The following FMN1 variants were observed in gnomAD, a reference collection of about 807,000 sequenced individuals.
FMN1 encodes formin 1, also known as formin-1.
FMN1 carries 110 observed loss-of-function variants against 132.4 expected under a neutral mutation model. The observed-to-expected ratio is 0.83, with a 90% CI of 0.71 to 0.97. The LOEUF (loss-of-function observed/expected upper bound fraction) is 0.97, where lower values mean the gene tolerates loss of function less well. Ranked by LOEUF, FMN1 falls within the 50% of genes least tolerant of loss-of-function variation. The probability of loss-of-function intolerance (pLI) is 0.00; values close to 1 mark genes in which losing one functional copy is unlikely to be tolerated. For synonymous variants in FMN1, 722 were observed against 651.7 expected, an observed-to-expected ratio of 1.11 and a Z score of -1.64; for missense variants, 1,792 against 1,705.3, an observed-to-expected ratio of 1.05 and a Z score of -0.90.
intron 4 of FMN1, among the ~76,000 whole-genome samples, chr15:33,105,482 A>C (rs2039449724): frequency 6.6e-6 from 1 of 152,164 alleles, no homozygotes; most frequent in Non-Finnish European, 1.5e-5. Flanking sequence ...CAGACTTCTC[A>C]GAAATAAACG....
Position 33,150,726 on chromosome 15 carries a change from C to G in FMN1, c.1867+2322G>C, listed in dbSNP as rs148889972. The G allele has an allele frequency of 9.9e-4, 978 of 985,486 alleles. 10 individuals carry two copies. In the African/African-American group the frequency reaches 0.016, roughly 16 times the overall value. The allele number at this position is 985,486 out of a possible 1,614,324, so 61.0% of individuals were successfully genotyped here. On this transcript the variant is annotated intron_variant, in intron 4 of 20. Coordinates refer to ENST00000616417, the MANE Select transcript of FMN1 (RefSeq NM_001277313.2). ...TGCCAGACTTAATCTCTTTCTTAAG[C>G]AGTTAATGAGAGCTTTCAATAATCT...
intron 3 of FMN1, among the ~76,000 whole-genome samples, chr15:33,174,033 C>G (rs1050090822): frequency 6.6e-6 from 1 of 151,858 alleles, no homozygotes; most frequent in Non-Finnish European, 1.5e-5. Context: ...AACTAAGGTT[C>G]AATATAATAT....
chr15:32,987,545 TAGG>T (rs990095853), intron 7 of FMN1, among the ~76,000 whole-genome samples: 3 of 152,114 alleles, frequency 2.0e-5, no homozygotes, highest in Admixed American at 6.6e-5. Context: ...TGAAACTGAT[TAGG>T]AGGACTGAGG....
intron 6 of FMN1, among the ~76,000 whole-genome samples, chr15:33,057,083 C>T (rs2141207180): frequency 6.6e-6 from 1 of 152,256 alleles, no homozygotes; most frequent in Non-Finnish European, 1.5e-5. Flanking sequence ...GAGGCTGAGG[C>T]AGAAGAATGG....
chr15:32,786,222 C>T (rs942427548), intron 19 of FMN1, among the ~76,000 whole-genome samples: 5 of 152,204 alleles, frequency 3.3e-5, no homozygotes, highest in African/African-American at 7.2e-5. Context: ...AATACATGGA[C>T]GAACATGATA....
rs2140806075 is a variant in FMN1, at chr15:32,766,112, C to T, written c.*8198G>A. ...TCTTCATTACTGCCTACAATCTTTTCAGATTATATCTACAGACTGGTCTAA... is the reference window on the plus strand; with the variant it reads ...TCTTCATTACTGCCTACAATCTTTTTAGATTATATCTACAGACTGGTCTAA... On this transcript the variant is annotated 3_prime_UTR_variant, in exon 21 of 21. Coordinates refer to ENST00000616417, the MANE Select transcript of FMN1 (RefSeq NM_001277313.2). 6.6e-6 allele frequency: 1 copy of T among 152,286 alleles called. No homozygotes were observed. The highest frequency in any genetic ancestry group is 2.4e-5 in the African/African-American group (1 of 41,540). 9.4% of individuals were successfully genotyped at this position (152,286 alleles called of 1,614,324 possible). A position where few individuals can be genotyped will look rare whatever the true frequency, so the allele number is the denominator to read the frequency against.
At chr15:32,957,295 GTTCTTTT>G (rs372182483) in intron 9 of FMN1, among the ~76,000 whole-genome samples, 86 of 74,152 alleles carry the variant, frequency 1.2e-3, no homozygotes, top group African/African-American at 3.5e-3. Flanking sequence ...TATCAGAGCA[GTTCTTTT>G]TTTTTTTTTT....
At chr15:33,125,567 T>C (rs1962977551) in intron 4 of FMN1, among the ~76,000 whole-genome samples, 1 of 152,184 alleles carries the variant, frequency 6.6e-6, no homozygotes, top group South Asian at 2.1e-4. Context: ...AGGTGGGGCA[T>C]GGTGTCTCAC....
In FMN1 at chr15:32,777,687, C is replaced by CGTATAACATAACACATTTATATATTAT. The variant is rs2056489712; in HGVS notation, c.4131-769_4131-768insATAATATATAAATGTGTTATGTTATAC. Reference sequence around the variant, plus strand: ...TATAACATAACACATTTATATATTACGTATAACATATAACACATTTACTTA... The same window carrying CGTATAACATAACACATTTATATATTAT: ...TATAACATAACACATTTATATATTACGTATAACATAACACATTTATATATTATGTATAACATATAACACATTTACTTA... On this transcript the variant is annotated intron_variant, in intron 19 of 20. Coordinates refer to ENST00000616417, the MANE Select transcript of FMN1 (RefSeq NM_001277313.2). 2.1e-5 allele frequency among the ~76,000 whole-genome samples: 3 copies of CGTATAACATAACACATTTATATATTAT among 140,754 alleles called. 1 individual carries two copies. Among genetic ancestry groups the CGTATAACATAACACATTTATATATTAT allele is most frequent in the South Asian group, 4.5e-4 (2 of 4,452 alleles). The allele number at this position is 140,754 out of a possible 152,430, so 92.3% of individuals were successfully genotyped here. A position where few individuals can be genotyped will look rare whatever the true frequency, so the allele number is the denominator to read the frequency against.
intron 16 of FMN1, among the ~76,000 whole-genome samples, chr15:32,859,731 G>A (rs1228181312): frequency 2.0e-5 from 3 of 152,148 alleles, no homozygotes; most frequent in Non-Finnish European, 2.9e-5. Flanking sequence ...TGTATCTGGC[G>A]AAAGCATCAG....
At chr15:32,849,024 C>T (rs1232954056) in intron 17 of FMN1, among the ~76,000 whole-genome samples, 1 of 129,658 alleles carries the variant, frequency 7.7e-6, no homozygotes, top group African/African-American at 2.8e-5. Flanking sequence ...CACTCTGTCA[C>T]CCATGCTGGA....
chr15:33,083,325 G>T (rs2038560254), intron 5 of FMN1, among the ~76,000 whole-genome samples: 1 of 152,060 alleles, frequency 6.6e-6, no homozygotes, highest in South Asian at 2.1e-4. Context: ...TGGTGAAAGG[G>T]GCATCTTTTG....
rs533161610 is a variant in FMN1 at position 32,914,574 on chromosome 15, T to C, written c.3227-4039A>G. Among the ~76,000 whole-genome samples the C allele has an allele frequency of 8.9e-4, 135 of 152,286 alleles. 3 individuals are homozygous for C. In the South Asian group the frequency reaches 0.025, roughly 28 times the overall value. On this transcript the variant is annotated intron_variant, in intron 10 of 20. Coordinates refer to ENST00000616417, the MANE Select transcript of FMN1 (RefSeq NM_001277313.2). The stretch of plus-strand genomic sequence containing the variant: ...ACAGGAGAGAGCTGTTGAGCAGTTA[T>C]GAATGGAGGAGTAAATTGGACAAAA...
chr15:33,114,682 G>A (rs1034168036), intron 4 of FMN1, among the ~76,000 whole-genome samples: 1 of 152,148 alleles, frequency 6.6e-6, no homozygotes, highest in Admixed American at 6.5e-5. Flanking sequence ...TGGGTAAATA[G>A]TCACAACTGC....
chr15:32,930,579 T>G (rs1185748662), intron 9 of FMN1, among the ~76,000 whole-genome samples: 5 of 152,154 alleles, frequency 3.3e-5, no homozygotes, highest in East Asian at 1.9e-4. Context: ...CTTTAGCCCA[T>G]TTTTATCAGA....
At chr15:32,879,824 A>C (rs903657266) in intron 16 of FMN1, among the ~76,000 whole-genome samples, 3 of 151,766 alleles carry the variant, frequency 2.0e-5, no homozygotes, top group African/African-American at 7.3e-5. Context: ...AAACTTAACA[A>C]ATTCACAAAT....
At chr15:32,853,519 A>T (rs554895901) in intron 17 of FMN1, among the ~76,000 whole-genome samples, 1 of 152,360 alleles carries the variant, frequency 6.6e-6, no homozygotes, top group Non-Finnish European at 1.5e-5. Context: ...TCTATGGTGA[A>T]TAGTGCCTAT....
intron 9 of FMN1, among the ~76,000 whole-genome samples, chr15:32,951,879 C>A (rs573676014): frequency 6.6e-6 from 1 of 152,280 alleles, no homozygotes; most frequent in Non-Finnish European, 1.5e-5. Flanking sequence ...ACCTTCCATA[C>A]TTAGTCTAGT....
At chr15:32,804,147 G>A in intron 18 of FMN1, 134 bp downstream of exon 18, 1 of 665,840 alleles carries the variant, frequency 1.5e-6, no homozygotes. Context: ...TGTTTAAAGG[G>A]TATAAAGTTT....
Sources: gnomAD v4.1 joint callset for allele counts (sites outside exome capture counted in the v4.1 genomes callset) on GRCh38, gnomAD v4.1.1 for gene constraint, MANE v1.5 for transcripts, NCBI Gene and HGNC (gene_info 2026-07-23, HGNC 2026-07-21) for gene names.